CDC42BPA: variants seen among roughly 807,000 people sequenced by gnomAD.
The protein encoded by CDC42BPA is CDC42 binding protein kinase alpha, also known as serine/threonine-protein kinase MRCK alpha.
Under a neutral mutation model 223.5 loss-of-function variants are expected in CDC42BPA, and 80 were observed. The observed-to-expected ratio is 0.36, with a 90% CI of 0.30 to 0.43. The LOEUF is 0.43. CDC42BPA is among the 20% of genes least tolerant of loss of function. CDC42BPA has a pLI of 1.00. For missense variants in CDC42BPA, 1,743 were observed against 2,099.9 expected (o/e 0.83, Z 3.32); for synonymous variants, 694 against 718.6 (o/e 0.97, Z 0.55).
intron 32 of CDC42BPA, 23 bp from the exon 33 acceptor site, chr1:227,017,073 G>A (rs754398931): frequency 1.4e-5 from 22 of 1,599,428 alleles, no homozygotes; most frequent in South Asian, 5.7e-5. Flanking sequence ...AAATACAAAC[G>A]ATAATGATGT....
chr1:227,143,186 T>C (rs192886048), intron 8 of CDC42BPA, among the ~76,000 whole-genome samples, 162 bp from the exon 9 acceptor site: 8 of 152,334 alleles, frequency 5.3e-5, no homozygotes, highest in Non-Finnish European at 1.2e-4. Context: ...ATATAAAATT[T>C]AGACCATGAA....
At position 227,003,195 on chromosome 1, in the gene CDC42BPA, G is replaced by A. The variant is rs16846790; in HGVS notation, c.4975+1799C>T. ...CTTGAATTCAAAATATGTAACATTC[G>A]AGAATAGAAGGGAACAAGTAAGTTT... On this transcript the variant is annotated intron_variant, in intron 35 of 36. Coordinates refer to ENST00000366766, the MANE Select transcript of CDC42BPA (RefSeq NM_001394014.1). Among the ~76,000 whole-genome samples, 390 of 152,242 alleles carry A rather than the reference G, an allele frequency of 2.6e-3. 7 individuals are homozygous for A. In the East Asian group the frequency reaches 0.047, roughly 18 times the overall value.
Position 227,074,251 on chromosome 1 carries a change from A to C in CDC42BPA, c.2586+8T>G, listed in dbSNP as rs1426824013. The C allele has an allele frequency of 6.3e-7, 1 of 1,594,602 alleles. No individual in the cohort carries two copies. Among genetic ancestry groups the C allele is most frequent in the East Asian group, 2.2e-5 (1 of 44,790 alleles). ...GATAAGCCTCCATGCAAAATCATAG[A>C]AGCTTACTGTTGCTCGTGTACCCAA... On this transcript the variant is annotated splice_region_variant and intron_variant, in intron 18 of 36. Coordinates refer to ENST00000366766, the MANE Select transcript of CDC42BPA (RefSeq NM_001394014.1).
In CDC42BPA at chr1:227,086,498, A is replaced by G. The variant is rs73093497; in HGVS notation, c.2355+5388T>C. Among the ~76,000 whole-genome samples, 1,391 of 152,250 alleles carry G rather than the reference A, an allele frequency of 9.1e-3. 22 individuals are homozygous for G. The highest frequency in any genetic ancestry group is 0.032 in the African/African-American group (1,328 of 41,552). On this transcript the variant is annotated intron_variant, in intron 16 of 36. Transcript: ENST00000366766. ...ATCAATAGTTGATACGGTCACGCCA[A>G]TTGATTACAGCCATTCTCGAGGGTA...
chr1:227,113,446 A>C (rs1687257493), intron 12 of CDC42BPA, among the ~76,000 whole-genome samples: 1 of 152,176 alleles, frequency 6.6e-6, no homozygotes, highest in Admixed American at 6.5e-5. Context: ...ATGAAATCTG[A>C]ATTTTTCACA....
chr1:227,122,552 T>A (rs1688828747), intron 11 of CDC42BPA, among the ~76,000 whole-genome samples: 1 of 152,214 alleles, frequency 6.6e-6, no homozygotes, highest in African/African-American at 2.4e-5. Context: ...GCAATGGAGT[T>A]GTTAGAGAAT....
intron 2 of CDC42BPA, among the ~76,000 whole-genome samples, chr1:227,229,773 T>C (rs1677490674): frequency 6.6e-6 from 1 of 152,222 alleles, no homozygotes; most frequent in South Asian, 2.1e-4. Context: ...TAAAATGCCA[T>C]TTTTCCATTA....
At chr1:227,049,262 C>A (rs1464496069) in intron 22 of CDC42BPA, among the ~76,000 whole-genome samples, 1 of 137,324 alleles carries the variant, frequency 7.3e-6, no homozygotes, top group Non-Finnish European at 1.6e-5. Context: ...GTGCTGGATA[C>A]AAGATCTAGA....
chr1:227,179,018 A>G (rs1667449911), intron 5 of CDC42BPA, among the ~76,000 whole-genome samples: 1 of 152,236 alleles, frequency 6.6e-6, no homozygotes, highest in Non-Finnish European at 1.5e-5. Flanking sequence ...ATGTCCTGAC[A>G]TATCCTACAA....
chr1:227,256,940 T>TACACACACAC lies in CDC42BPA; in HGVS notation c.179-2786_179-2785insGTGTGTGTGT, dbSNP rs1160019576. Reference sequence around the variant, plus strand: ...GAACAGATAAACAAAATGTGATATATATATACAGACACACACACACACACA... The same window carrying TACACACACAC: ...GAACAGATAAACAAAATGTGATATATACACACACACATATACAGACACACACACACACACA... On this transcript the variant is annotated intron_variant, in intron 1 of 36. Transcript: ENST00000366766. Among the ~76,000 whole-genome samples the TACACACACAC allele has an allele frequency of 1.5e-4, 18 of 117,618 alleles. 1 individual carries two copies. Among genetic ancestry groups the TACACACACAC allele is most frequent in the Non-Finnish European group, 1.9e-4 (11 of 56,928 alleles). 77.2% of individuals were successfully genotyped at this position (117,618 alleles called of 152,430 possible).
At chr1:227,008,206 G>T (rs2148405607) in intron 34 of CDC42BPA, among the ~76,000 whole-genome samples, 1 of 152,270 alleles carries the variant, frequency 6.6e-6, no homozygotes, top group African/African-American at 2.4e-5. Flanking sequence ...TCTAATTTGA[G>T]TATTGAGATT....
intron 1 of CDC42BPA, among the ~76,000 whole-genome samples, chr1:227,265,653 A>G (rs1371036133): frequency 6.6e-6 from 1 of 152,054 alleles, no homozygotes; most frequent in Non-Finnish European, 1.5e-5. Context: ...AAAAGATTCA[A>G]AAATTATTAA....
At chr1:227,259,102 G>C (rs1683602781) in intron 1 of CDC42BPA, among the ~76,000 whole-genome samples, 1 of 150,816 alleles carries the variant, frequency 6.6e-6, no homozygotes, top group African/African-American at 2.5e-5. Flanking sequence ...CTTCACTTGT[G>C]GCACACACTT....
Position 227,195,169 on chromosome 1 carries a change from G to T in CDC42BPA, c.451-1235C>A, listed in dbSNP as rs181164096. ...AAAATCCTGTGTCTTTGGCCTACTT[G>T]CTGTATTTACTAGGCCCAACGTTTT... On this transcript the variant is annotated intron_variant, in intron 4 of 36. Coordinates refer to ENST00000366766, the MANE Select transcript of CDC42BPA (RefSeq NM_001394014.1). Among the ~76,000 whole-genome samples, 112 of 152,254 alleles carry T rather than the reference G, an allele frequency of 7.4e-4. No individual in the cohort carries two copies. The East Asian group carries it at 0.019, about 25-fold the overall frequency.
chr1:227,147,628 TACAC>T lies in CDC42BPA; in HGVS notation c.694-73_694-70del, dbSNP rs1045004351. ...AAATATTTTAAATAGTTACTTAAGA[TACAC>T]AATAGACATTATTATCTCATAAACA... On this transcript the variant is annotated intron_variant, in intron 6 of 36. Transcript: ENST00000366766. 2.0e-5 allele frequency: 16 copies of T among 800,566 alleles called. No homozygotes were observed. The Admixed American group carries it at 3.2e-4, about 16-fold the overall frequency. The allele number at this position is 800,566 out of a possible 1,614,324, so 49.6% of individuals were successfully genotyped here.
intron 16 of CDC42BPA, among the ~76,000 whole-genome samples, chr1:227,083,940 A>G (rs1274476212): frequency 1.3e-5 from 2 of 152,202 alleles, no homozygotes; most frequent in Non-Finnish European, 2.9e-5. Context: ...TACCATGTTC[A>G]ACTTCCTAGA....
intron 16 of CDC42BPA, among the ~76,000 whole-genome samples, chr1:227,083,023 G>A (rs1395080363): frequency 6.6e-6 from 1 of 151,872 alleles, no homozygotes. Flanking sequence ...GTCTAAGTGG[G>A]GTCTGATTTC....
intron 35 of CDC42BPA, among the ~76,000 whole-genome samples, chr1:226,999,965 G>A (rs1662448729): frequency 6.6e-6 from 1 of 151,702 alleles, no homozygotes; most frequent in African/African-American, 2.4e-5. Flanking sequence ...GGGGGGTTAG[G>A]GGAGGGATAG....
intron 32 of CDC42BPA, among the ~76,000 whole-genome samples, chr1:227,022,119 T>C (rs1182846498): frequency 6.6e-6 from 1 of 152,176 alleles, no homozygotes; most frequent in Non-Finnish European, 1.5e-5. Flanking sequence ...TTTTTACTTA[T>C]ATTTGTCTAC....
Sources: gnomAD v4.1 joint callset for allele counts (sites outside exome capture counted in the v4.1 genomes callset) on GRCh38, gnomAD v4.1.1 for gene constraint, MANE v1.5 for transcripts, NCBI Gene and HGNC (gene_info 2026-07-23, HGNC 2026-07-21) for gene names.